Variants in DBNL observed in about 807,000 individuals in gnomAD.
The protein encoded by DBNL is drebrin like.
In DBNL, 35 loss-of-function variants were observed where a neutral mutation model predicts 62.2. The observed-to-expected ratio is 0.56, with a 90% CI of 0.43 to 0.75. The LOEUF (loss-of-function observed/expected upper bound fraction) is 0.75, where lower values mean the gene tolerates loss of function less well. DBNL is among the 30% of genes least tolerant of loss of function. The pLI is 0.00. For missense variants in DBNL, 495 were observed against 578.4 expected (o/e 0.86, Z 1.48); for synonymous variants, 197 against 218.0 (o/e 0.90, Z 0.85).
At position 44,061,187 on chromosome 7, in the gene DBNL, T is replaced by TGGCCAAGCCCTGAGTGGCCAC. The variant is rs2128794921; in HGVS notation, c.*272_*292dup. 1 of 460,252 alleles carries TGGCCAAGCCCTGAGTGGCCAC rather than the reference T, an allele frequency of 2.2e-6. No individual in the cohort carries two copies. The highest frequency in any genetic ancestry group is 4.2e-5 in the East Asian group (1 of 23,790). The allele number at this position is 460,252 out of a possible 1,614,324, so 28.5% of individuals were successfully genotyped here. On this transcript the variant is annotated 3_prime_UTR_variant, in exon 13 of 13. Transcript: ENST00000448521. ...AGGATACTGAGCCAAGCCCTGCCTGTGGCCAAGCCCTGAGTGGCCACTGCC... is the reference window on the plus strand; with the variant it reads ...AGGATACTGAGCCAAGCCCTGCCTGTGGCCAAGCCCTGAGTGGCCACGGCCAAGCCCTGAGTGGCCACTGCC...
Position 44,050,149 on chromosome 7 carries a change from A to G in DBNL, c.84-76A>G. Reference sequence around the variant, plus strand: ...GCCCAAGCTCTTTGGGATGTAGTGGAAAGTCATGGTGGATACGGTGAGGAG... The same window carrying G: ...GCCCAAGCTCTTTGGGATGTAGTGGGAAGTCATGGTGGATACGGTGAGGAG... On this transcript the variant is annotated intron_variant, in intron 1 of 12. Transcript: ENST00000448521. 4 of 1,528,714 alleles carry G rather than the reference A, an allele frequency of 2.6e-6. No homozygotes were observed. In the South Asian group the frequency reaches 4.5e-5, roughly 17 times the overall value. The allele number at this position is 1,528,714 out of a possible 1,614,324, so 94.7% of individuals were successfully genotyped here.
In DBNL at chr7:44,066,961, C is replaced by T. The variant is rs898370212; in HGVS notation, c.*6045C>T. 2.4e-4 allele frequency: 36 copies of T among 152,352 alleles called. No individual in the cohort carries two copies. Among genetic ancestry groups the T allele is most frequent in the African/African-American group, 8.4e-4 (35 of 41,454 alleles). The allele number at this position is 152,352 out of a possible 1,614,324, so 9.4% of individuals were successfully genotyped here. ...TGACTGAGGACCAGGCTCTGGCAGTCCCACAGGGGCCAGACATGAAGCCCA... is the reference window on the plus strand; with the variant it reads ...TGACTGAGGACCAGGCTCTGGCAGTTCCACAGGGGCCAGACATGAAGCCCA... On this transcript the variant is annotated 3_prime_UTR_variant, in exon 13 of 13. Coordinates refer to ENST00000448521, the MANE Select transcript of DBNL (RefSeq NM_001014436.3).
chr7:44,055,573 A>AT (rs1408158863), intron 4 of DBNL, among the ~76,000 whole-genome samples: 4 of 152,092 alleles, frequency 2.6e-5, no homozygotes, highest in African/African-American at 9.7e-5. Flanking sequence ...GCTAGCATTT[A>AT]TTTTTTATGT....
chr7:44,045,160 T>C (rs904988782), intron 1 of DBNL, among the ~76,000 whole-genome samples: 2 of 152,214 alleles, frequency 1.3e-5, no homozygotes, highest in Admixed American at 6.5e-5. Context: ...CAGGTTCTTC[T>C]TTCCAGTCCT....
chr7:44,057,074 A>G (rs1424888031), intron 5 of DBNL, among the ~76,000 whole-genome samples, 171 bp downstream of exon 5: 1 of 152,232 alleles, frequency 6.6e-6, no homozygotes, highest in Non-Finnish European at 1.5e-5. Context: ...GAGCAGGAAT[A>G]GCCCTCTGAC....
In DBNL at chr7:44,062,566, C is replaced by T; in HGVS notation, c.*1650C>T. 1.6e-6 allele frequency: 1 copy of T among 615,950 alleles called. No individual in the cohort carries two copies. The highest frequency in any genetic ancestry group is 1.9e-5 in the South Asian group (1 of 52,840). The allele number at this position is 615,950 out of a possible 1,614,324, so 38.2% of individuals were successfully genotyped here. The stretch of plus-strand genomic sequence containing the variant: ...GCAAACTCATGGAGTGGTTGCAGCC[C>T]TGGCTCAGTGTCCTGATGACTAGGT... On this transcript the variant is annotated 3_prime_UTR_variant, in exon 13 of 13. Coordinates refer to ENST00000448521, the MANE Select transcript of DBNL (RefSeq NM_001014436.3).
chr7:44,065,435 T>C lies in DBNL; in HGVS notation c.*4519T>C. The C allele has an allele frequency of 6.2e-7, 1 of 1,614,126 alleles. No homozygotes were observed. Among genetic ancestry groups the C allele is most frequent in the African/African-American group, 1.3e-5 (1 of 75,046 alleles). On this transcript the variant is annotated 3_prime_UTR_variant, in exon 13 of 13. Transcript: ENST00000448521. ...CCGCTTGGCCTCCTCGGTCCCCTTTTCACTCAGCTCTGCATCGAACCAGCC... is the reference window on the plus strand; with the variant it reads ...CCGCTTGGCCTCCTCGGTCCCCTTTCCACTCAGCTCTGCATCGAACCAGCC...
intron 4 of DBNL, among the ~76,000 whole-genome samples, chr7:44,054,594 A>G (rs1161962623): frequency 1.3e-5 from 2 of 152,252 alleles, no homozygotes; most frequent in African/African-American, 2.4e-5. Flanking sequence ...CAGGGTAATT[A>G]GCATGTTCAT....
intron 1 of DBNL, among the ~76,000 whole-genome samples, chr7:44,048,939 C>T (rs1468769005): frequency 2.6e-5 from 4 of 152,188 alleles, no homozygotes; most frequent in Non-Finnish European, 5.9e-5. Context: ...ACTGTAGCCT[C>T]GACCTCCCAG....
chr7:44,050,073 G>A, intron 1 of DBNL, 152 bp from the exon 2 acceptor site: 1 of 753,906 alleles, frequency 1.3e-6, no homozygotes, highest in Non-Finnish European at 2.2e-6. Context: ...CTGCCTAGTG[G>A]GTCAGAGCAA....
Position 44,065,875 on chromosome 7 carries a change from CAG to C in DBNL, c.*4960_*4961del. On this transcript the variant is annotated 3_prime_UTR_variant, in exon 13 of 13. Transcript: ENST00000448521. ...TCTGGGCCAGGGGAGATGGGGATAG[CAG>C]GGACAGAGGGGCTCTCCAGGGCAAC... The C allele has an allele frequency of 2.3e-6, 1 of 437,310 alleles. No individual in the cohort carries two copies. The highest frequency in any genetic ancestry group is 4.9e-5 in the East Asian group (1 of 20,526). 27.1% of individuals were successfully genotyped at this position (437,310 alleles called of 1,614,324 possible).
Position 44,059,836 on chromosome 7 carries a change from G to A in DBNL, c.1047+178G>A, listed in dbSNP as rs545904406. 6.6e-6 allele frequency among the ~76,000 whole-genome samples: 1 copy of A among 152,324 alleles called. No homozygotes were observed. The highest frequency in any genetic ancestry group is 2.1e-4 in the South Asian group (1 of 4,826). On this transcript the variant is annotated intron_variant, in intron 11 of 12. Transcript: ENST00000448521. This position sits in a 1 kb window ranked among gnomAD's most constrained non-coding sequence, Gnocchi z 4.1. ...CCACTCTATAGGAGGTGCTGGGTGGGAAGAGGACCTTGCAGCCTATGGCTG... is the reference window on the plus strand; with the variant it reads ...CCACTCTATAGGAGGTGCTGGGTGGAAAGAGGACCTTGCAGCCTATGGCTG...
chr7:44,060,835 C>T lies in DBNL; in HGVS notation c.1212C>T (p.Ile404=), dbSNP rs375954747. The change falls in exon 13 of 13, where the codon ATC becomes ATT. Residue 404 remains isoleucine, a synonymous_variant. Transcript: ENST00000448521. The surrounding 1 kb of genome is among the most constrained non-coding windows in gnomAD (Gnocchi z 6.3). The part of the protein sequence containing the change: ...PENLITGIEV[I]DEGWWRGYGP... Reference sequence around the variant, plus strand: ...ACCTCATCACGGGCATCGAGGTGATCGACGAAGGCTGGTGGCGTGGCTATG... The same window carrying T: ...ACCTCATCACGGGCATCGAGGTGATTGACGAAGGCTGGTGGCGTGGCTATG... 9.1e-5 allele frequency: 147 copies of T among 1,614,030 alleles called. 2 individuals carry two copies. Among genetic ancestry groups the T allele is most frequent in the South Asian group, 5.2e-4 (47 of 91,072 alleles).
Position 44,057,826 on chromosome 7 carries a change from G to T in DBNL, c.519G>T (p.Arg173Ser). The change falls in exon 6 of 13, where the codon AGG (arginine) becomes AGT (serine). Residue 173 changes from arginine to serine, a missense_variant. Transcript: ENST00000448521. ...CCAATGCCGTGTCTGAGATTAAAAG[G>T]GTTGGTAAAGACAGCTTCTGGGCCA... is the stretch of plus-strand genomic sequence containing the variant. ...QKTNAVSEIKRVGKDSFWAKA... is the reference protein window; with the variant it reads ...QKTNAVSEIKSVGKDSFWAKA... The T allele has an allele frequency of 3.1e-6, 5 of 1,614,206 alleles. No individual in the cohort carries two copies. Among genetic ancestry groups the T allele is most frequent in the Non-Finnish European group, 4.2e-6 (5 of 1,180,034 alleles).
In DBNL at chr7:44,061,135, C is replaced by T. The variant is rs2096148241; in HGVS notation, c.*219C>T. The T allele has an allele frequency of 1.6e-6, 1 of 626,710 alleles. No individual in the cohort carries two copies. The highest frequency in any genetic ancestry group is 3.3e-5 in the Admixed American group (1 of 30,486). 38.8% of individuals were successfully genotyped at this position (626,710 alleles called of 1,614,324 possible). The stretch of plus-strand genomic sequence containing the variant: ...ATCCTTCCTGCATCCCCCGACCCTC[C>T]CAGACAGCTTGGCTCTTGCCCCTGA... On this transcript the variant is annotated 3_prime_UTR_variant, in exon 13 of 13. Transcript: ENST00000448521.
chr7:44,058,260 T>C lies in DBNL; in HGVS notation c.684T>C (p.Gly228=). The C allele has an allele frequency of 6.3e-7, 1 of 1,575,378 alleles. No individual in the cohort carries two copies. The highest frequency in any genetic ancestry group is 1.9e-4 in the Middle Eastern group (1 of 5,194). The change falls in exon 7 of 13, where the codon GGT becomes GGC. Residue 228 remains glycine (G), a synonymous_variant. Transcript: ENST00000448521. ...ARREQRYQEQ[G]GEASPQRTWE... ...GGGAGCAGCGCTATCAGGAGCAGGG[T>C]GGCGAGGCCAGCCCCCAGAGGTGAG... is the stretch of plus-strand genomic sequence containing the variant.
rs1263331490 is a variant in DBNL, at chr7:44,060,075, C to T, written c.1075C>T (p.His359Tyr). The T allele has an allele frequency of 6.2e-7, 1 of 1,613,694 alleles. No individual in the cohort carries two copies. Among genetic ancestry groups the T allele is most frequent in the South Asian group, 1.1e-5 (1 of 91,078 alleles). ...LVQQQGAGSE[H>Y]IDHHIQGQGL... is the part of the protein sequence containing the mutation. ...GCAGCAGCAAGGTGCTGGCTCTGAGCACATTGACCACCACATTCAGGGCCA... is the reference window on the plus strand; with the variant it reads ...GCAGCAGCAAGGTGCTGGCTCTGAGTACATTGACCACCACATTCAGGGCCA... Residue 359 changes from histidine (H) to tyrosine (Y), a missense_variant, in exon 12 of 13, where the codon CAC (histidine) becomes TAC (tyrosine). Physicochemically the swap from His to Tyr is moderately conservative, Grantham distance 83. Coordinates refer to ENST00000448521, the MANE Select transcript of DBNL (RefSeq NM_001014436.3). This position sits in a 1 kb window ranked among gnomAD's most constrained non-coding sequence, Gnocchi z 6.3.
In DBNL at chr7:44,056,904, G is replaced by A. The variant is rs745378485; in HGVS notation, c.474+1G>A. On this transcript the variant is annotated splice_donor_variant, in intron 5 of 12. Transcript: ENST00000448521. LOFTEE classifies it high-confidence loss of function. ...GGACGTGGGACCCCAGGCCCCAGTG[G>A]TGAGTGCTGCTTGCCCATCGCCAGC... 1 of 1,613,724 alleles carries A rather than the reference G, an allele frequency of 6.2e-7. No individual in the cohort carries two copies. The highest frequency in any genetic ancestry group is 1.7e-5 in the Admixed American group (1 of 60,020).
At chr7:44,048,638 C>T (rs750498231) in intron 1 of DBNL, among the ~76,000 whole-genome samples, 31 of 152,180 alleles carry the variant, frequency 2.0e-4, no homozygotes, top group Non-Finnish European at 2.5e-4. Flanking sequence ...GGTTCCTGTC[C>T]GACTGTTTAT....
Sources: allele counts gnomAD v4.1 joint callset (sites outside exome capture counted in the v4.1 genomes callset), GRCh38; gene constraint gnomAD v4.1.1; non-coding constraint Gnocchi (gnomAD v3.1); transcripts MANE v1.5; gene names NCBI Gene and HGNC (gene_info 2026-07-23, HGNC 2026-07-21).